Variants in TNNI3K observed in about 807,000 individuals in gnomAD.
TNNI3K encodes TNNI3 interacting kinase.
TNNI3K carries 140 observed loss-of-function variants against 114.5 expected under a neutral mutation model. The ratio of observed to expected loss-of-function variants is 1.22; its 90% confidence interval spans 1.07 to 1.41. The LOEUF (loss-of-function observed/expected upper bound fraction) is 1.41. TNNI3K is among the 40% of genes most tolerant of loss of function. The pLI is 0.00. For missense variants in TNNI3K, 1,125 were observed against 1,007.6 expected (o/e 1.12, Z -1.58); for synonymous variants, 347 against 347.5 (o/e 1.00, Z 0.02).
intron 5 of TNNI3K, among the ~76,000 whole-genome samples, chr1:74,323,265 TG>T (rs1413032298): frequency 6.6e-6 from 1 of 152,186 alleles, no homozygotes; most frequent in Non-Finnish European, 1.5e-5. Context: ...AAAAGCAGCA[TG>T]GGTGCCTTTT....
At chr1:74,400,409 T>TTG (rs1479213625) in intron 17 of TNNI3K, among the ~76,000 whole-genome samples, 2 of 152,196 alleles carry the variant, frequency 1.3e-5, no homozygotes, top group Admixed American at 6.5e-5. Context: ...ATACCTAGGT[T>TTG]GAATGGTCCA....
intron 6 of TNNI3K, among the ~76,000 whole-genome samples, chr1:74,334,349 A>G (rs940488866): frequency 2.0e-5 from 3 of 152,142 alleles, no homozygotes; most frequent in African/African-American, 4.8e-5. Flanking sequence ...AGACATGGTT[A>G]TTTGCTGACT....
intron 17 of TNNI3K, among the ~76,000 whole-genome samples, chr1:74,426,631 G>A (rs1170335569): frequency 1.3e-5 from 2 of 151,938 alleles, no homozygotes; most frequent in African/African-American, 4.8e-5. Flanking sequence ...CCCTGGCCTT[G>A]TTTTGTTTCC....
intron 4 of TNNI3K, among the ~76,000 whole-genome samples, chr1:74,264,292 T>A (rs1421489445): frequency 6.6e-6 from 1 of 151,968 alleles, no homozygotes; most frequent in Non-Finnish European, 1.5e-5. Context: ...TATGAACCTT[T>A]GTGAGTTGAG....
At chr1:74,289,841 G>C (rs1004479350) in intron 5 of TNNI3K, among the ~76,000 whole-genome samples, 6 of 151,860 alleles carry the variant, frequency 4.0e-5, no homozygotes, top group African/African-American at 1.4e-4. Flanking sequence ...GCATGACTCT[G>C]ACACCGATAA....
chr1:74,451,703 C>CTTTTCTTTTCTTTTCT (rs1188086184), intron 20 of TNNI3K, among the ~76,000 whole-genome samples: 1 of 30,188 alleles, frequency 3.3e-5, no homozygotes, highest in Non-Finnish European at 6.6e-5. Flanking sequence ...TTCTTTCTTT[C>CTTTTCTTTTCTTTTCT]TTTCTTTCTT....
At chr1:74,363,300 G>A (rs1197970653) in intron 11 of TNNI3K, among the ~76,000 whole-genome samples, 1 of 151,942 alleles carries the variant, frequency 6.6e-6, no homozygotes, top group African/African-American at 2.4e-5. Context: ...TCCCATACGT[G>A]GGTGCCTTAG....
intron 23 of TNNI3K, among the ~76,000 whole-genome samples, chr1:74,539,906 T>C (rs1182546876): frequency 2.0e-5 from 3 of 152,118 alleles, no homozygotes; most frequent in Non-Finnish European, 4.4e-5. Context: ...TAGTTCTTTT[T>C]AGTAAGGATT....
At chr1:74,329,146 C>T (rs1179795822) in intron 5 of TNNI3K, among the ~76,000 whole-genome samples, 1 of 151,990 alleles carries the variant, frequency 6.6e-6, no homozygotes, top group Admixed American at 6.6e-5. Context: ...CTGGTAAAAA[C>T]AAGATTTGAT....
At chr1:74,491,645 T>C (rs1431948118) in intron 22 of TNNI3K, among the ~76,000 whole-genome samples, 1 of 152,214 alleles carries the variant, frequency 6.6e-6, no homozygotes, top group African/African-American at 2.4e-5. Flanking sequence ...TTTTTCGTCT[T>C]ATAAAATTGA....
chr1:74,453,791 T>A (rs1171901920), intron 20 of TNNI3K, among the ~76,000 whole-genome samples: 1 of 152,114 alleles, frequency 6.6e-6, no homozygotes, highest in African/African-American at 2.4e-5. Flanking sequence ...GGCAGAACAG[T>A]GTGATGAATA....
chr1:74,465,334 T>G (rs894057423), intron 21 of TNNI3K, among the ~76,000 whole-genome samples: 2 of 152,202 alleles, frequency 1.3e-5, no homozygotes. Flanking sequence ...GAGTTCCCAG[T>G]GGGTGCAGGC....
intron 5 of TNNI3K, among the ~76,000 whole-genome samples, chr1:74,274,648 G>A (rs1656560335): frequency 6.6e-6 from 1 of 152,034 alleles, no homozygotes; most frequent in Non-Finnish European, 1.5e-5. Context: ...TTATAAGTAA[G>A]GAGTAGGATG....
chr1:74,354,179 A>G (rs200090253), intron 11 of TNNI3K, 50 bp downstream of exon 11: 21 of 1,608,612 alleles, frequency 1.3e-5, no homozygotes, highest in Non-Finnish European at 1.8e-5. Flanking sequence ...AACTGTGTGC[A>G]TAGATTATGT....
intron 9 of TNNI3K, among the ~76,000 whole-genome samples, chr1:74,351,187 G>T (rs1176916692): frequency 1.3e-5 from 2 of 152,050 alleles, no homozygotes; most frequent in Non-Finnish European, 2.9e-5. Flanking sequence ...CTCAGTATTT[G>T]CTTGTCTGTA....
At chr1:74,279,984 G>A (rs958000284) in intron 5 of TNNI3K, among the ~76,000 whole-genome samples, 1 of 152,064 alleles carries the variant, frequency 6.6e-6, no homozygotes, top group African/African-American at 2.4e-5. Flanking sequence ...TCCCCTTAAC[G>A]CCCCACAGGA....
chr1:74,367,496 G>A (rs1056521639), intron 12 of TNNI3K, among the ~76,000 whole-genome samples, 154 bp downstream of exon 12: 11 of 151,926 alleles, frequency 7.2e-5, no homozygotes, highest in African/African-American at 2.4e-4. Flanking sequence ...ATGTCTGGGA[G>A]AGGCTGAACA....
At chr1:74,445,852 C>T (rs749371882) in intron 20 of TNNI3K, among the ~76,000 whole-genome samples, 31 of 152,158 alleles carry the variant, frequency 2.0e-4, no homozygotes, top group South Asian at 4.2e-4. Context: ...CCTCGTGATC[C>T]GCCCACCTTG....
Position 74,398,152 on chromosome 1 carries a change from C to G in TNNI3K, c.1772+27760C>G, listed in dbSNP as rs548012373. ...GGATAAAGCTGCTAAGCAAGCCTCC[C>G]TGGAGGAAGAAGTTAAACTGTTTAG... On this transcript the variant is annotated intron_variant, in intron 17 of 24. Coordinates refer to ENST00000326637, the MANE Select transcript of TNNI3K (RefSeq NM_015978.3). Among the ~76,000 whole-genome samples, 4 of 152,280 alleles carry G rather than the reference C, an allele frequency of 2.6e-5. No homozygotes were observed. The East Asian group carries it at 5.8e-4, about 22-fold the overall frequency.
Sources: allele counts gnomAD v4.1 joint callset (sites outside exome capture counted in the v4.1 genomes callset), GRCh38; gene constraint gnomAD v4.1.1; transcripts MANE v1.5; gene names NCBI Gene and HGNC (gene_info 2026-07-23, HGNC 2026-07-21).